The following ITPR3 variants were observed in gnomAD, a reference collection of about 807,000 sequenced individuals.
ITPR3 encodes inositol 1,4,5-trisphosphate-gated calcium channel ITPR3.
A neutral mutation model predicts 293.2 loss-of-function variants in ITPR3; 173 were observed. The ratio of observed to expected loss-of-function variants is 0.59; its 90% CI spans 0.52 to 0.67. The LOEUF (loss-of-function observed/expected upper bound fraction) is 0.67. Ranked by LOEUF, ITPR3 falls within the 30% of genes least tolerant of loss-of-function variation. ITPR3 has a pLI of 0.00. For synonymous variants in ITPR3, 1,295 were observed against 1,444.4 expected, an observed-to-expected ratio of 0.90 and a Z score of 2.35; for missense variants, 2,796 against 3,592.1, an observed-to-expected ratio of 0.78 and a Z score of 5.66.
rs753832979 is a variant in ITPR3 at position 33,679,864 on chromosome 6, G to GC, written c.3973-13dup. ...GCTGGACCGAGAGAGTGTGACACGT[G>GC]CCCCCTCCCACCCGCAGCTGACCAA... On this transcript the variant is annotated splice_polypyrimidine_tract_variant and intron_variant, in intron 30 of 57. Transcript: ENST00000605930. The surrounding 1 kb of genome is among the most constrained non-coding windows in gnomAD (Gnocchi z 4.2). The GC allele has an allele frequency of 3.1e-5, 50 of 1,601,316 alleles. No homozygotes were observed. In the East Asian group the frequency reaches 1.1e-3, roughly 36 times the overall value.
At chr6:33,694,672 CAA>C in intron 56 of ITPR3, 1 of 517,262 alleles carries the variant, frequency 1.9e-6, no homozygotes, top group Non-Finnish European at 3.5e-6. Context: ...GCAAAGGACT[CAA>C]ACTCAGCTGC....
intron 2 of ITPR3, among the ~76,000 whole-genome samples, chr6:33,644,746 C>T (rs1450315933): frequency 2.0e-5 from 3 of 150,788 alleles, no homozygotes; most frequent in Admixed American, 2.0e-4. Flanking sequence ...TCACTGCAAC[C>T]TCTCCCTCCC....
In ITPR3 at chr6:33,686,068, C is replaced by T; in HGVS notation, c.5683C>T (p.Gln1895Ter). ...TGCCCCGCAGAACTTCCTGCGCTGT[C>T]AGAACAACAAAACCAACTACAACTT... ...NRDLQNFLRC[Q>*]NNKTNYNLVC... The change falls in exon 42 of 58, where the codon CAG becomes TAG. Residue 1895 changes from glutamine (Q) to a stop codon, truncating the protein, a stop_gained. Coordinates refer to ENST00000605930, the MANE Select transcript of ITPR3 (RefSeq NM_002224.4). LOFTEE classifies it high-confidence loss of function. 6.2e-7 allele frequency: 1 copy of T among 1,614,126 alleles called. No individual in the cohort carries two copies. The highest frequency in any genetic ancestry group is 2.2e-5 in the East Asian group (1 of 44,892).
At chr6:33,637,555 G>A (rs1763852381) in intron 1 of ITPR3, among the ~76,000 whole-genome samples, 1 of 152,086 alleles carries the variant, frequency 6.6e-6, no homozygotes, top group South Asian at 2.1e-4. Flanking sequence ...TGCAACCTCT[G>A]CCTCTAGGGT....
In ITPR3 at chr6:33,666,007, G is replaced by A. The variant is rs1256060113; in HGVS notation, c.1551+31G>A. ...TGTGCACCCATGAGGGGACGCAGAG[G>A]GGCCGGGTGCCCGGGAGAGGGATGC... On this transcript the variant is annotated intron_variant, in intron 14 of 57. Coordinates refer to ENST00000605930, the MANE Select transcript of ITPR3 (RefSeq NM_002224.4). The surrounding 1 kb of genome is among the most constrained non-coding windows in gnomAD (Gnocchi z 5.1). 1 of 1,560,546 alleles carries A rather than the reference G, an allele frequency of 6.4e-7. No individual in the cohort carries two copies. The highest frequency in any genetic ancestry group is 8.7e-7 in the Non-Finnish European group (1 of 1,149,690).
rs1397133185 is a variant in ITPR3, at chr6:33,673,676, A to C, written c.3014A>C (p.Gln1005Pro). 6.2e-7 allele frequency: 1 copy of C among 1,614,156 alleles called. No homozygotes were observed. Among genetic ancestry groups the C allele is most frequent in the East Asian group, 2.2e-5 (1 of 44,884 alleles). The change falls in exon 23 of 58, where the codon CAG (glutamine) becomes CCG (proline). Residue 1005 changes from glutamine to proline, a missense_variant. Gln to Pro is a moderately conservative substitution (Grantham distance 76, BLOSUM62 -1). Coordinates refer to ENST00000605930, the MANE Select transcript of ITPR3 (RefSeq NM_002224.4). ...KKEFVEVFPMQDSGADGTAPA... is the reference protein window; with the variant it reads ...KKEFVEVFPMPDSGADGTAPA... ...GAGTTTGTGGAGGTGTTTCCCATGC[A>C]GGACAGTGGGGCTGATGGCACAGCC...
chr6:33,626,270 A>C (rs1763547321), intron 1 of ITPR3, among the ~76,000 whole-genome samples: 1 of 152,132 alleles, frequency 6.6e-6, no homozygotes, highest in Admixed American at 6.5e-5. Context: ...CTGCCTTCTC[A>C]GAGTGAGTTT....
Position 33,670,651 on chromosome 6 carries a change from C to T in ITPR3, c.2442-20C>T, listed in dbSNP as rs370695725. ...GGGTGTATCTCGGGGACCTTCATGC[C>T]TCATGGCCTCCACCCTCAGCTATGA... On this transcript the variant is annotated intron_variant, in intron 19 of 57. Transcript: ENST00000605930. This position sits in a 1 kb window ranked among gnomAD's most constrained non-coding sequence, Gnocchi z 6.7. The T allele has an allele frequency of 1.6e-5, 26 of 1,613,766 alleles. No homozygotes were observed. Among genetic ancestry groups the T allele is most frequent in the African/African-American group, 1.2e-4 (9 of 74,912 alleles).
At position 33,678,292 on chromosome 6, in the gene ITPR3, C is replaced by T. The variant is rs928192895; in HGVS notation, c.3649-129C>T. 9 of 1,307,820 alleles carry T rather than the reference C, an allele frequency of 6.9e-6. No homozygotes were observed. The South Asian group carries it at 1.2e-4, about 18-fold the overall frequency. The allele number at this position is 1,307,820 out of a possible 1,614,324, so 81.0% of individuals were successfully genotyped here. A position where few individuals can be genotyped will look rare whatever the true frequency, so the allele number is the denominator to read the frequency against. ...CATCCTGACCTGGGGGCCCCACTTT[C>T]CCTTTACGCTGGCCTCTTCACGGTC... On this transcript the variant is annotated intron_variant, in intron 28 of 57. Transcript: ENST00000605930.
intron 1 of ITPR3, among the ~76,000 whole-genome samples, chr6:33,635,610 A>G (rs567938274): frequency 1.5e-3 from 227 of 152,322 alleles, no homozygotes; most frequent in African/African-American, 5.0e-3. Flanking sequence ...GTGGATAACA[A>G]TTACACAGGG....
intron 56 of ITPR3, chr6:33,694,311 G>A (rs1020400341): frequency 1.3e-5 from 2 of 158,534 alleles, no homozygotes; most frequent in Non-Finnish European, 2.8e-5. Flanking sequence ...CGTTTAGTCT[G>A]TATTTCAAAC....
In ITPR3 at chr6:33,678,751, G is replaced by C. The variant is rs373132802; in HGVS notation, c.3884G>C (p.Arg1295Pro). Residue 1295 changes from arginine to proline, a missense_variant, in exon 30 of 58, where the codon CGC becomes CCC. Arg to Pro is a moderately radical substitution (Grantham distance 103). Around this residue, in one of 8 missense-constraint regions of ITPR3, gnomAD observed 344 missense variants for 460.3 expected, o/e 0.75. Transcript: ENST00000605930. ...HFVHLLATHG[R>P]HVQYLDFLHT... The stretch of plus-strand genomic sequence containing the variant: ...GTGCACCTGCTGGCCACGCACGGGC[G>C]CCATGTGCAGTACCTGGACTTCCTG... The C allele has an allele frequency of 6.2e-7, 1 of 1,613,316 alleles. No homozygotes were observed. Among genetic ancestry groups the C allele is most frequent in the African/African-American group, 1.3e-5 (1 of 74,914 alleles).
intron 1 of ITPR3, among the ~76,000 whole-genome samples, chr6:33,626,660 C>A (rs4713643): frequency 0.86 from 130,952 of 152,288 alleles, 56,393 homozygotes; most frequent in East Asian, 0.96. Flanking sequence ...ATCAGTGGTA[C>A]CCAAGGCACA....
intron 3 of ITPR3, among the ~76,000 whole-genome samples, chr6:33,656,306 A>C (rs572683300): frequency 6.6e-6 from 1 of 152,310 alleles, no homozygotes; most frequent in East Asian, 1.9e-4. Flanking sequence ...AGGCTGGCAC[A>C]GCCCTGTGCC....
rs1477854098 is a variant in ITPR3 at position 33,688,809 on chromosome 6, TCC to T, written c.6694+31_6694+32del. On this transcript the variant is annotated intron_variant, in intron 49 of 57. Coordinates refer to ENST00000605930, the MANE Select transcript of ITPR3 (RefSeq NM_002224.4). ...GAGAACACAGGGCTGGCCGGCAGGT[TCC>T]CCGGGCCCTGCCATGCTTCCTCCCT... 2.5e-6 allele frequency: 4 copies of T among 1,613,788 alleles called. No individual in the cohort carries two copies. In the Admixed American group the frequency reaches 6.7e-5, roughly 27 times the overall value.
chr6:33,644,196 A>T (rs902493234), intron 2 of ITPR3, among the ~76,000 whole-genome samples: 2 of 152,210 alleles, frequency 1.3e-5, no homozygotes, highest in Non-Finnish European at 2.9e-5. Context: ...TCTCAGGGGA[A>T]AAAAAGAAAG....
intron 2 of ITPR3, among the ~76,000 whole-genome samples, chr6:33,641,468 G>C (rs1582109444): frequency 6.6e-6 from 1 of 152,178 alleles, no homozygotes. Context: ...GCTGGCGGCC[G>C]GGGTCCTTGC....
chr6:33,680,711 C>T, intron 33 of ITPR3, 31 bp downstream of exon 33: 1 of 1,592,462 alleles, frequency 6.3e-7, no homozygotes, highest in Non-Finnish European at 8.6e-7. Flanking sequence ...CACCCCAGGG[C>T]CGACTTGCCT....
At chr6:33,652,142 C>T (rs905373325) in intron 2 of ITPR3, among the ~76,000 whole-genome samples, 2 of 151,980 alleles carry the variant, frequency 1.3e-5, no homozygotes, top group Admixed American at 6.6e-5. Flanking sequence ...AGCTCCCTGC[C>T]CCTGCCAGGA....
Sources: gnomAD v4.1 joint callset for allele counts (sites outside exome capture counted in the v4.1 genomes callset) on GRCh38, gnomAD v4.1.1 for gene constraint, gnomAD v4.1.1 regional missense constraint, Gnocchi (gnomAD v3.1) non-coding constraint, MANE v1.5 for transcripts, NCBI Gene and HGNC (gene_info 2026-07-23, HGNC 2026-07-21) for gene names.